The following IQGAP2 variants were observed in gnomAD, a reference collection of about 807,000 sequenced individuals.
IQGAP2 encodes the protein IQ motif containing GTPase activating protein 2, also known as ras GTPase-activating-like protein IQGAP2.
IQGAP2 carries 173 observed loss-of-function variants against 201.3 expected under a neutral mutation model. The observed-to-expected ratio is 0.86, with a 90% CI of 0.76 to 0.98. IQGAP2 has a LOEUF of 0.98. Among genes scored for constraint, IQGAP2 ranks in the 50% least tolerant of loss-of-function variants. The pLI, the probability that IQGAP2 is intolerant of heterozygous loss-of-function variation, is 0.00. For synonymous variants in IQGAP2, 675 were observed against 673.9 expected (o/e 1.00, Z -0.03); for missense variants, 1,687 against 1,864.8 (o/e 0.90, Z 1.76).
intron 15 of IQGAP2, among the ~76,000 whole-genome samples, chr5:76,635,994 T>C (rs901118545): frequency 5.9e-5 from 9 of 152,220 alleles, no homozygotes; most frequent in African/African-American, 1.7e-4. Context: ...TGGCTGCCCA[T>C]TGAAAAGAGA....
Position 76,674,489 on chromosome 5 carries a change from C to A in IQGAP2, c.3307C>A (p.Leu1103Ile). 6.2e-7 allele frequency: 1 copy of A among 1,611,966 alleles called. No individual in the cohort carries two copies. Among genetic ancestry groups the A allele is most frequent in the Non-Finnish European group, 8.5e-7 (1 of 1,178,184 alleles). ...TGCGTCACTCCAGATTGTTGGAAAC[C>A]TCCTGTACTATCGGTACATGAATCC... Reference protein sequence around the residue: ...EDELLKIVGNLLYYRYMNPAI... With the variant: ...EDELLKIVGNILYYRYMNPAI... The change falls in exon 27 of 36, where the codon CTC (leucine) becomes ATC (isoleucine). Residue 1103 changes from leucine to isoleucine, a missense_variant. Physicochemically the swap from Leu to Ile is conservative, Grantham distance 5 (BLOSUM62 2). Coordinates refer to ENST00000274364, the MANE Select transcript of IQGAP2 (RefSeq NM_006633.5).
chr5:76,679,369 C>A (rs2150505005), intron 28 of IQGAP2, among the ~76,000 whole-genome samples: 1 of 152,198 alleles, frequency 6.6e-6, no homozygotes, highest in African/African-American at 2.4e-5. Flanking sequence ...GAATTCCTTC[C>A]TGTGTTAGGT....
intron 1 of IQGAP2, 138 bp from the exon 2 acceptor site, chr5:76,461,432 C>A (rs753707671): frequency 3.1e-5 from 16 of 515,686 alleles, no homozygotes; most frequent in African/African-American, 2.4e-4. Context: ...GCAAATTTCT[C>A]TCTCTGCCTG....
intron 2 of IQGAP2, among the ~76,000 whole-genome samples, chr5:76,470,830 AACTTT>A (rs1580263147): frequency 6.6e-6 from 1 of 152,202 alleles, no homozygotes; most frequent in Non-Finnish European, 1.5e-5. Context: ...CCTCAAAGCT[AACTTT>A]ATAGCTTCTT....
chr5:76,619,810 G>A (rs989363268), intron 13 of IQGAP2, among the ~76,000 whole-genome samples: 4 of 152,124 alleles, frequency 2.6e-5, no homozygotes, highest in Non-Finnish European at 4.4e-5. Flanking sequence ...GAGCCACCGC[G>A]CCCGGCCAGT....
intron 1 of IQGAP2, among the ~76,000 whole-genome samples, chr5:76,457,103 C>T (rs946164286): frequency 2.6e-5 from 4 of 152,122 alleles, no homozygotes; most frequent in Non-Finnish European, 5.9e-5. Context: ...AATCCTGCCT[C>T]AGCCTTCCGA....
At chr5:76,635,278 G>A (rs1751033736) in intron 15 of IQGAP2, among the ~76,000 whole-genome samples, 1 of 152,164 alleles carries the variant, frequency 6.6e-6, no homozygotes, top group Non-Finnish European at 1.5e-5. Flanking sequence ...AAAAATATAA[G>A]AAGTTCTAAC....
intron 2 of IQGAP2, among the ~76,000 whole-genome samples, chr5:76,544,283 A>C (rs1370026520): frequency 6.6e-6 from 1 of 152,208 alleles, no homozygotes. Context: ...AAAGACCCTG[A>C]ATCCCCCAGG....
At chr5:76,610,050 T>TCTCTCTCTCTCTCTCTC (rs1748154396) in intron 12 of IQGAP2, among the ~76,000 whole-genome samples, 1 of 19,060 alleles carries the variant, frequency 5.2e-5, no homozygotes. Flanking sequence ...TGTTCTCTCT[T>TCTCTCTCTCTCTCTCTC]TCTCTCTCTC....
At chr5:76,704,725 C>T (rs1384442570) in intron 35 of IQGAP2, among the ~76,000 whole-genome samples, 1 of 152,158 alleles carries the variant, frequency 6.6e-6, no homozygotes, top group African/African-American at 2.4e-5. Flanking sequence ...GATTGCATAC[C>T]CACGGAGCCA....
At chr5:76,479,015 C>G (rs1377620817) in intron 2 of IQGAP2, among the ~76,000 whole-genome samples, 1 of 151,992 alleles carries the variant, frequency 6.6e-6, no homozygotes, top group Non-Finnish European at 1.5e-5. Context: ...CTCCGTTTTC[C>G]CTGCAGGATC....
At chr5:76,688,256 T>C (rs1745959478) in intron 30 of IQGAP2, among the ~76,000 whole-genome samples, 1 of 152,232 alleles carries the variant, frequency 6.6e-6, no homozygotes, top group Non-Finnish European at 1.5e-5. Flanking sequence ...ATCAAAAAAC[T>C]ATTCTGCTTT....
At chr5:76,653,419 G>A (rs1276700121) in intron 18 of IQGAP2, among the ~76,000 whole-genome samples, 4 of 152,106 alleles carry the variant, frequency 2.6e-5, no homozygotes, top group African/African-American at 9.7e-5. Flanking sequence ...AAATCCAGAT[G>A]AGAGTGGAAG....
At chr5:76,458,702 C>T (rs1371894776) in intron 1 of IQGAP2, among the ~76,000 whole-genome samples, 1 of 152,104 alleles carries the variant, frequency 6.6e-6, no homozygotes, top group Non-Finnish European at 1.5e-5. Flanking sequence ...GGTGCTTTGA[C>T]TCACATGTGG....
intron 2 of IQGAP2, among the ~76,000 whole-genome samples, chr5:76,518,185 C>T (rs560882104): frequency 2.6e-4 from 39 of 152,252 alleles, no homozygotes; most frequent in Non-Finnish European, 4.7e-4. Context: ...TGGTCTCAAA[C>T]TCCTGACCTT....
At chr5:76,632,765 C>G (rs1750812813) in intron 15 of IQGAP2, among the ~76,000 whole-genome samples, 1 of 151,548 alleles carries the variant, frequency 6.6e-6, no homozygotes, top group South Asian at 2.1e-4. Flanking sequence ...TACTATTCAT[C>G]TTTAAGAAAC....
chr5:76,515,692 C>T (rs1168992087), intron 2 of IQGAP2, among the ~76,000 whole-genome samples: 1 of 152,098 alleles, frequency 6.6e-6, no homozygotes, highest in Non-Finnish European at 1.5e-5. Context: ...GAGAGATGTC[C>T]AGATGTGAAA....
Position 76,575,723 on chromosome 5 carries a change from G to A in IQGAP2, c.412G>A (p.Asp138Asn), listed in dbSNP as rs200135774. 101 of 1,594,040 alleles carry A rather than the reference G, an allele frequency of 6.3e-5. No individual in the cohort carries two copies. The highest frequency in any genetic ancestry group is 7.7e-5 in the Non-Finnish European group (90 of 1,167,878). The change falls in exon 5 of 36, where the codon GAT becomes AAT. Residue 138 changes from aspartate to asparagine, a missense_variant. Asp to Asn is a conservative substitution (Grantham distance 23). Transcript: ENST00000274364. ...TTATCCAGAAACAACAGATGTCTAT[G>A]ATCGGAAAAACATACCAAGAATGAT... is the stretch of plus-strand genomic sequence containing the variant. Reference protein sequence around the residue: ...IFYPETTDVYDRKNIPRMIYC... With the variant: ...IFYPETTDVYNRKNIPRMIYC...
chr5:76,467,671 C>G (rs1045129938), intron 2 of IQGAP2, among the ~76,000 whole-genome samples: 15 of 152,134 alleles, frequency 9.9e-5, no homozygotes, highest in Admixed American at 6.6e-5. Flanking sequence ...TATGCCCATA[C>G]AAAAACTTGT....
Sources: gnomAD v4.1 joint callset for allele counts (sites outside exome capture counted in the v4.1 genomes callset) on GRCh38, gnomAD v4.1.1 for gene constraint, MANE v1.5 for transcripts, NCBI Gene and HGNC (gene_info 2026-07-23, HGNC 2026-07-21) for gene names.